The following HSPBAP1 variants were observed in gnomAD, a reference collection of about 807,000 sequenced individuals.
HSPBAP1 encodes the protein HSPB1 associated protein 1.
A neutral mutation model predicts 45.2 loss-of-function variants in HSPBAP1; 27 were observed. The ratio of observed to expected loss-of-function variants is 0.60; its 90% CI spans 0.44 to 0.82. The LOEUF is 0.82. Among genes scored for constraint, HSPBAP1 ranks in the 40% least tolerant of loss-of-function variants. The pLI is 0.00. For synonymous variants in HSPBAP1, 204 were observed against 202.7 expected, an observed-to-expected ratio of 1.01 and a Z score of -0.06; for missense variants, 510 against 590.9, an observed-to-expected ratio of 0.86 and a Z score of 1.42.
intron 5 of HSPBAP1, chr3:122,754,474 T>G (rs528471914): frequency 1.1e-6 from 1 of 897,172 alleles, no homozygotes; most frequent in Non-Finnish European, 1.3e-6. Flanking sequence ...TCAGGGGCTG[T>G]GGGGAGAGGG....
At chr3:122,749,975 TTTC>T (rs915864836) in intron 6 of HSPBAP1, among the ~76,000 whole-genome samples, 7 of 148,180 alleles carry the variant, frequency 4.7e-5, no homozygotes, top group African/African-American at 1.7e-4. Context: ...ACTGGTTTTC[TTTC>T]TTTTTTTTTT....
chr3:122,740,034 A>C lies in HSPBAP1; in HGVS notation c.*311T>G. On this transcript the variant is annotated 3_prime_UTR_variant, in exon 8 of 8. Transcript: ENST00000306103. ...TAAAATTTTATTTGCAAAAGTAAGC[A>C]GCCGGTTGGTCCCTGGTTGAGGCTG... The C allele has an allele frequency of 5.5e-6, 1 of 181,684 alleles. No homozygotes were observed. The highest frequency in any genetic ancestry group is 1.1e-5 in the Non-Finnish European group (1 of 88,178). 11.3% of individuals were successfully genotyped at this position (181,684 alleles called of 1,614,324 possible). A position where few individuals can be genotyped will look rare whatever the true frequency, so the allele number is the denominator to read the frequency against.
At chr3:122,753,437 A>G (rs1934232337) in intron 5 of HSPBAP1, 4 of 981,872 alleles carry the variant, frequency 4.1e-6, no homozygotes, top group Admixed American at 6.2e-5. Flanking sequence ...GAGAAATTCT[A>G]AGTAGGGGGA....
intron 3 of HSPBAP1, among the ~76,000 whole-genome samples, chr3:122,767,313 T>C (rs1576256848): frequency 6.6e-6 from 1 of 152,136 alleles, no homozygotes; most frequent in African/African-American, 2.4e-5. Context: ...CCGAGGCTGG[T>C]GGATCACTTA....
intron 1 of HSPBAP1, among the ~76,000 whole-genome samples, chr3:122,784,356 A>G (rs1262484111): frequency 3.3e-5 from 5 of 152,204 alleles, no homozygotes; most frequent in African/African-American, 1.2e-4. Context: ...GTAACAAATA[A>G]TTAATCATAA....
intron 1 of HSPBAP1, among the ~76,000 whole-genome samples, chr3:122,785,230 A>T (rs1003509007): frequency 1.3e-5 from 2 of 152,208 alleles, no homozygotes; most frequent in African/African-American, 4.8e-5. Context: ...GCATGAGTGT[A>T]TGTGCACGTG....
At chr3:122,791,033 G>A (rs1935812706) in intron 1 of HSPBAP1, among the ~76,000 whole-genome samples, 2 of 152,010 alleles carry the variant, frequency 1.3e-5, no homozygotes, top group Admixed American at 1.3e-4. Flanking sequence ...AAATGGTCAC[G>A]ATTCTTGAAT....
At chr3:122,755,041 G>A in intron 5 of HSPBAP1, 2 of 1,206,290 alleles carry the variant, frequency 1.7e-6, no homozygotes, top group Non-Finnish European at 2.1e-6. Context: ...AGGAGGAGCT[G>A]TGTTCCCTCT....
At chr3:122,742,393 T>TA (rs1186632883) in intron 6 of HSPBAP1, among the ~76,000 whole-genome samples, 2 of 151,556 alleles carry the variant, frequency 1.3e-5, no homozygotes, top group African/African-American at 4.8e-5. Context: ...ATAGTGCTAA[T>TA]AAAAAAAAGA....
chr3:122,778,398 AAAC>A (rs1482349893), intron 1 of HSPBAP1, among the ~76,000 whole-genome samples: 1 of 152,044 alleles, frequency 6.6e-6, no homozygotes, highest in African/African-American at 2.4e-5. Context: ...TACAAACCAA[AAAC>A]AACCACTGTT....
At chr3:122,789,301 G>C (rs1935750900) in intron 1 of HSPBAP1, among the ~76,000 whole-genome samples, 2 of 152,134 alleles carry the variant, frequency 1.3e-5, no homozygotes, top group Admixed American at 1.3e-4. Flanking sequence ...TCTTTATCAA[G>C]GAATAATCTT....
chr3:122,793,070 G>A (rs1345798473), intron 1 of HSPBAP1, among the ~76,000 whole-genome samples: 1 of 152,082 alleles, frequency 6.6e-6, no homozygotes, highest in African/African-American at 2.4e-5. Flanking sequence ...AAAAGGTATT[G>A]TTATAAATAT....
At chr3:122,777,624 TAGAA>T (rs1935229761) in intron 2 of HSPBAP1, 93 bp downstream of exon 2, 2 of 795,756 alleles carry the variant, frequency 2.5e-6, no homozygotes, top group Non-Finnish European at 2.0e-6. Context: ...AAAAAAGGAT[TAGAA>T]AGAAAGGATT....
intron 3 of HSPBAP1, among the ~76,000 whole-genome samples, chr3:122,760,846 A>G (rs1342635052): frequency 2.0e-5 from 3 of 152,208 alleles, no homozygotes; most frequent in Non-Finnish European, 4.4e-5. Flanking sequence ...ATGATGGTTA[A>G]AATAGTTCAG....
chr3:122,785,900 C>T lies in HSPBAP1; in HGVS notation c.64+7717G>A, dbSNP rs953805973. On this transcript the variant is annotated intron_variant, in intron 1 of 7. Transcript: ENST00000306103. ...TATATCTATAATTTCCATGTGTGTG[C>T]GTGTGTGTGTGTGTGTGCACGCGCG... 2.7e-5 allele frequency among the ~76,000 whole-genome samples: 4 copies of T among 149,732 alleles called. No homozygotes were observed. The South Asian group carries it at 6.3e-4, about 24-fold the overall frequency.
intron 6 of HSPBAP1, among the ~76,000 whole-genome samples, chr3:122,750,214 C>T (rs530747115): frequency 2.0e-5 from 3 of 152,142 alleles, no homozygotes; most frequent in Admixed American, 2.0e-4. Context: ...ACCTCATGAT[C>T]CACCCACCTC....
chr3:122,779,795 C>A (rs1447556788), intron 1 of HSPBAP1, among the ~76,000 whole-genome samples: 2 of 151,822 alleles, frequency 1.3e-5, no homozygotes, highest in African/African-American at 2.4e-5. Flanking sequence ...GTGGACACAG[C>A]ACATGTTTCA....
chr3:122,793,090 T>C (rs1935886618), intron 1 of HSPBAP1, among the ~76,000 whole-genome samples: 2 of 152,154 alleles, frequency 1.3e-5, no homozygotes, highest in Non-Finnish European at 2.9e-5. Context: ...TTCAAAAGTC[T>C]CTGGATCCTG....
chr3:122,745,124 A>G (rs1003122445), intron 6 of HSPBAP1, among the ~76,000 whole-genome samples: 2 of 152,188 alleles, frequency 1.3e-5, no homozygotes, highest in African/African-American at 2.4e-5. Flanking sequence ...TATCTCCCCT[A>G]TTATTAATGA....
Sources: allele counts gnomAD v4.1 joint callset (sites outside exome capture counted in the v4.1 genomes callset), GRCh38; gene constraint gnomAD v4.1.1; transcripts MANE v1.5; gene names NCBI Gene and HGNC (gene_info 2026-07-23, HGNC 2026-07-21).